Variants in CNTNAP4 observed in about 807,000 individuals in gnomAD.
CNTNAP4 encodes the protein contactin associated protein family member 4, also known as contactin-associated protein-like 4.
Under a neutral mutation model 148.4 loss-of-function variants are expected in CNTNAP4, and 98 were observed. The observed-to-expected ratio is 0.66, with a 90% CI of 0.56 to 0.78. The LOEUF (loss-of-function observed/expected upper bound fraction) is 0.78. Among genes scored for constraint, CNTNAP4 ranks in the 30% least tolerant of loss-of-function variants. The probability of loss-of-function intolerance (pLI) is 0.00; values close to 1 mark genes in which losing one functional copy is unlikely to be tolerated. For missense variants in CNTNAP4, 1,935 were observed against 1,565.6 expected (o/e 1.24, Z -3.98); for synonymous variants, 730 against 565.1 (o/e 1.29, Z -4.14).
At position 76,314,919 on chromosome 16, in the gene CNTNAP4, A is replaced by G. The variant is rs1323586575; in HGVS notation, c.86-1494A>G. On this transcript the variant is annotated intron_variant, in intron 1 of 23. Transcript: ENST00000611870. ...AATTTTCATTTTTTTTTGTAAAAGT[A>G]GTTTTTTAAACTCATATATGTCCCT... 1.3e-5 allele frequency among the ~76,000 whole-genome samples: 2 copies of G among 152,156 alleles called. 1 individual carries two copies. Among genetic ancestry groups the G allele is most frequent in the Admixed American group, 1.3e-4 (2 of 15,272 alleles).
At chr16:76,342,391 A>G (rs1055631242) in intron 2 of CNTNAP4, among the ~76,000 whole-genome samples, 4 of 151,756 alleles carry the variant, frequency 2.6e-5, no homozygotes, top group African/African-American at 9.7e-5. Flanking sequence ...AAAGTTTTTG[A>G]CATTTATGGT....
chr16:76,433,794 G>T (rs1383081407), intron 4 of CNTNAP4, among the ~76,000 whole-genome samples: 1 of 152,092 alleles, frequency 6.6e-6, no homozygotes, highest in Non-Finnish European at 1.5e-5. Flanking sequence ...ACTGCTAAAA[G>T]CTGGAGTAAG....
At chr16:76,556,143 T>C (rs2085188672) in intron 23 of CNTNAP4, among the ~76,000 whole-genome samples, 1 of 152,038 alleles carries the variant, frequency 6.6e-6, no homozygotes, top group Non-Finnish European at 1.5e-5. Context: ...ACTTGCAAAA[T>C]GAATGGTATA....
chr16:76,380,724 C>T (rs546097562), intron 3 of CNTNAP4, among the ~76,000 whole-genome samples: 5 of 152,200 alleles, frequency 3.3e-5, no homozygotes, highest in African/African-American at 1.2e-4. Flanking sequence ...TTAGACGGTG[C>T]TTGGAACAGA....
In CNTNAP4 at chr16:76,495,002, G is replaced by A; in HGVS notation, c.2173G>A (p.Gly725Arg). 1 of 1,613,476 alleles carries A rather than the reference G, an allele frequency of 6.2e-7. No individual in the cohort carries two copies. The highest frequency in any genetic ancestry group is 1.1e-5 in the South Asian group (1 of 91,060). The change falls in exon 14 of 24, where the codon GGA becomes AGA. Residue 725 changes from glycine (G) to arginine (R), a missense_variant. By Grantham distance (125) the Gly-to-Arg change is moderately radical. Coordinates refer to ENST00000611870, the MANE Select transcript of CNTNAP4 (RefSeq NM_033401.5). ...SSPDLQKCTC[G>R]LEGNCIDSQY... is the part of the protein sequence containing the mutation. ...GCCTGATCTTCAAAAATGTACTTGTGGATTAGAGGGAAACTGCATTGATTC... is the reference window on the plus strand; with the variant it reads ...GCCTGATCTTCAAAAATGTACTTGTAGATTAGAGGGAAACTGCATTGATTC...
Position 76,474,541 on chromosome 16 carries a change from T to C in CNTNAP4, c.1656-1398T>C, listed in dbSNP as rs971669460. On this transcript the variant is annotated intron_variant, in intron 10 of 23. Coordinates refer to ENST00000611870, the MANE Select transcript of CNTNAP4 (RefSeq NM_033401.5). ...AAGCAAAACGGGAAGTTCTCATCCTTAGTTTTAATAAAGGAGACGGTAGAA... is the reference window on the plus strand; with the variant it reads ...AAGCAAAACGGGAAGTTCTCATCCTCAGTTTTAATAAAGGAGACGGTAGAA... Among the ~76,000 whole-genome samples the C allele has an allele frequency of 2.6e-5, 4 of 152,178 alleles. No homozygotes were observed. In the South Asian group the frequency reaches 8.3e-4, roughly 32 times the overall value.
intron 3 of CNTNAP4, among the ~76,000 whole-genome samples, chr16:76,405,305 C>A (rs537745374): frequency 6.6e-6 from 1 of 152,094 alleles, no homozygotes; most frequent in Admixed American, 6.6e-5. Flanking sequence ...TAGATCTGAT[C>A]ACTATAATTG....
At position 76,449,840 on chromosome 16, in the gene CNTNAP4, A is replaced by T; in HGVS notation, c.1053A>T (p.Lys351Asn). ...TCATTGATTTGGCCAAGCAGCAAAA[A>T]CCACAGATCATTGCTATGGTGAGAG... ...VDIIDLAKQQ[K>N]PQIIAMGNVS... Residue 351 changes from lysine to asparagine, a missense_variant, in exon 7 of 24, where the codon AAA becomes AAT. Transcript: ENST00000611870. The T allele has an allele frequency of 1.2e-6, 2 of 1,608,242 alleles. No homozygotes were observed. Among genetic ancestry groups the T allele is most frequent in the Non-Finnish European group, 1.7e-6 (2 of 1,177,678 alleles).
At chr16:76,320,176 A>C (rs1015965833) in intron 2 of CNTNAP4, among the ~76,000 whole-genome samples, 5 of 152,194 alleles carry the variant, frequency 3.3e-5, no homozygotes, top group Admixed American at 6.5e-5. Context: ...GAGGGAAAGC[A>C]ATCCTTGTTA....
chr16:76,433,177 TAAC>T (rs2079675008), intron 4 of CNTNAP4, among the ~76,000 whole-genome samples: 1 of 152,118 alleles, frequency 6.6e-6, no homozygotes, highest in African/African-American at 2.4e-5. Context: ...TAAAGACTAA[TAAC>T]AACAATGAAG....
intron 15 of CNTNAP4, among the ~76,000 whole-genome samples, chr16:76,511,242 C>T (rs2083014566): frequency 6.6e-6 from 1 of 151,914 alleles, no homozygotes. Context: ...ATCAAAGCAC[C>T]CTGAAGCCTT....
At chr16:76,345,574 G>A (rs1964835102) in intron 2 of CNTNAP4, among the ~76,000 whole-genome samples, 1 of 152,132 alleles carries the variant, frequency 6.6e-6, no homozygotes, top group Non-Finnish European at 1.5e-5. Flanking sequence ...GGATGCGGGG[G>A]GGATTTGGCC....
chr16:76,501,222 A>G (rs1473682161), intron 15 of CNTNAP4, among the ~76,000 whole-genome samples: 3 of 152,230 alleles, frequency 2.0e-5, no homozygotes, highest in African/African-American at 7.2e-5. Context: ...AATTATGTGC[A>G]AAGAGATGAG....
chr16:76,517,939 G>A (rs1027047808), intron 15 of CNTNAP4, among the ~76,000 whole-genome samples: 2 of 151,902 alleles, frequency 1.3e-5, no homozygotes, highest in Non-Finnish European at 2.9e-5. Flanking sequence ...ATTTTTAAAA[G>A]TACTTATAGT....
chr16:76,558,254 A>G (rs1327350613), intron 23 of CNTNAP4: 1 of 413,918 alleles, frequency 2.4e-6, no homozygotes, highest in Admixed American at 4.2e-5. Flanking sequence ...AATCCGATAT[A>G]ATATGCATTC....
chr16:76,318,970 G>A (rs578061075), intron 2 of CNTNAP4, among the ~76,000 whole-genome samples: 1 of 152,038 alleles, frequency 6.6e-6, no homozygotes, highest in East Asian at 1.9e-4. Context: ...TGAAAACTTA[G>A]AGCCAAAGAA....
chr16:76,446,062 C>A (rs1475881355), intron 4 of CNTNAP4, among the ~76,000 whole-genome samples: 1 of 143,096 alleles, frequency 7.0e-6, no homozygotes, highest in Non-Finnish European at 1.5e-5. Flanking sequence ...TGAATGAATT[C>A]TCTATAAGCA....
chr16:76,519,960 TA>T (rs2083394608), intron 15 of CNTNAP4, among the ~76,000 whole-genome samples: 1 of 152,234 alleles, frequency 6.6e-6, no homozygotes, highest in South Asian at 2.1e-4. Context: ...TTGTGATTTT[TA>T]ACTCTGTATC....
intron 17 of CNTNAP4, among the ~76,000 whole-genome samples, chr16:76,525,285 C>A (rs2083669140): frequency 6.6e-6 from 1 of 150,816 alleles, no homozygotes. Flanking sequence ...GAGTGAAAAA[C>A]TAATTTAAAA....
Sources: allele counts gnomAD v4.1 joint callset (sites outside exome capture counted in the v4.1 genomes callset), GRCh38; gene constraint gnomAD v4.1.1; transcripts MANE v1.5; gene names NCBI Gene and HGNC (gene_info 2026-07-23, HGNC 2026-07-21).